The following TRAPPC13 variants were observed in gnomAD, a reference collection of about 807,000 sequenced individuals.
TRAPPC13 encodes REV7-interacting novel NHEJ regulator 1.
In TRAPPC13, 39 loss-of-function variants were observed where a neutral mutation model predicts 54.0. That is an observed-to-expected ratio of 0.72 (90% CI 0.56 to 0.94). TRAPPC13 has a LOEUF of 0.94. Ranked by LOEUF, TRAPPC13 falls within the 40% of genes least tolerant of loss-of-function variation. TRAPPC13 has a pLI of 0.00. For synonymous variants in TRAPPC13, 148 were observed against 167.7 expected (o/e 0.88, Z 0.91); for missense variants, 386 against 488.1 (o/e 0.79, Z 1.97).
At chr5:65,660,596 G>A (rs1756813755) in intron 9 of TRAPPC13, 103 bp from the exon 10 acceptor site, 2 of 758,718 alleles carry the variant, frequency 2.6e-6, no homozygotes, top group Admixed American at 3.7e-5. Context: ...GATCTTTGGA[G>A]GGTACATCAT....
At chr5:65,656,098 G>A (rs1756642841) in intron 8 of TRAPPC13, among the ~76,000 whole-genome samples, 1 of 152,122 alleles carries the variant, frequency 6.6e-6, no homozygotes, top group African/African-American at 2.4e-5. Context: ...TTGACAAAAT[G>A]AAACAGAAGA....
chr5:65,632,854 A>G (rs1438441387), intron 1 of TRAPPC13, among the ~76,000 whole-genome samples: 1 of 152,210 alleles, frequency 6.6e-6, no homozygotes. Flanking sequence ...AATTGCCTTC[A>G]GTTTCTGAAA....
rs1581239815 is a variant in TRAPPC13, at chr5:65,666,207, A to G, written c.*1596A>G. On this transcript the variant is annotated 3_prime_UTR_variant, in exon 13 of 13. Transcript: ENST00000399438. ...TTCTGTTTCATTCTGTTTTAAATCT[A>G]AAAAGTAAAATGATGGTCACTTGGA... 1.3e-5 allele frequency: 2 copies of G among 152,452 alleles called. No individual in the cohort carries two copies. Among genetic ancestry groups the G allele is most frequent in the Middle Eastern group, 3.4e-3 (1 of 294 alleles). 9.4% of individuals were successfully genotyped at this position (152,452 alleles called of 1,614,324 possible). A position where few individuals can be genotyped will look rare whatever the true frequency, so the allele number is the denominator to read the frequency against.
At chr5:65,638,515 T>A (rs1227498711) in intron 4 of TRAPPC13, among the ~76,000 whole-genome samples, 2 of 152,172 alleles carry the variant, frequency 1.3e-5, no homozygotes, top group Admixed American at 6.5e-5. Flanking sequence ...GACATAGTGG[T>A]ACACATGTGT....
At chr5:65,626,308 C>T (rs1755227473) in intron 1 of TRAPPC13, 1 of 152,206 alleles carries the variant, frequency 6.6e-6, no homozygotes, top group African/African-American at 2.4e-5. Context: ...GCCTCTCTTT[C>T]CAAGAGTCCG....
intron 4 of TRAPPC13, among the ~76,000 whole-genome samples, chr5:65,644,566 T>C (rs1337798667): frequency 2.6e-5 from 4 of 152,222 alleles, no homozygotes; most frequent in South Asian, 2.1e-4. Context: ...TTATTTCTTT[T>C]TTTCTCTAAT....
At chr5:65,660,412 CCTGT>C (rs1285000387) in intron 9 of TRAPPC13, among the ~76,000 whole-genome samples, 2 of 150,898 alleles carry the variant, frequency 1.3e-5, no homozygotes, top group East Asian at 3.9e-4. Flanking sequence ...AGAGCAAGAC[CCTGT>C]CTCTTAAAAT....
chr5:65,629,651 A>G, intron 1 of TRAPPC13: 1 of 1,536,096 alleles, frequency 6.5e-7, no homozygotes, highest in Non-Finnish European at 8.7e-7. Context: ...ACTGCCAAAA[A>G]TTGCAGAAAA....
chr5:65,632,441 C>T (rs1373445347), intron 1 of TRAPPC13, among the ~76,000 whole-genome samples: 1 of 152,142 alleles, frequency 6.6e-6, no homozygotes, highest in Non-Finnish European at 1.5e-5. Context: ...GAATACATTC[C>T]TACTTTGAAT....
At chr5:65,646,935 C>G in intron 4 of TRAPPC13, 120 bp from the exon 5 acceptor site, 35 of 933,588 alleles carry the variant, frequency 3.7e-5, no homozygotes, top group Non-Finnish European at 4.8e-5. Context: ...AAGTGTTGCT[C>G]CCCCTTTCAT....
At chr5:65,641,742 A>G (rs1476764174) in intron 4 of TRAPPC13, among the ~76,000 whole-genome samples, 1 of 151,672 alleles carries the variant, frequency 6.6e-6, no homozygotes, top group Non-Finnish European at 1.5e-5. Context: ...AAACAAGACA[A>G]AACAAATACA....
intron 2 of TRAPPC13, 106 bp downstream of exon 2, chr5:65,635,475 T>A: frequency 1.1e-6 from 1 of 876,044 alleles, no homozygotes; most frequent in Non-Finnish European, 1.8e-6. Flanking sequence ...TGCTAACCAT[T>A]TGCTGGATTC....
At chr5:65,660,660 C>G (rs571558876) in intron 9 of TRAPPC13, 39 bp from the exon 10 acceptor site, 18 of 1,499,442 alleles carry the variant, frequency 1.2e-5, no homozygotes, top group Admixed American at 9.0e-5. Context: ...TTAAAAGATG[C>G]TAGAGAATTT....
intron 1 of TRAPPC13, chr5:65,630,800 A>T (rs1253829593): frequency 2.0e-6 from 1 of 508,974 alleles, no homozygotes; most frequent in Non-Finnish European, 2.5e-6. Flanking sequence ...ATAACAATTG[A>T]TAGGCTGTTT....
At chr5:65,650,914 A>T in intron 6 of TRAPPC13, 32 bp downstream of exon 6, 1 of 1,491,836 alleles carries the variant, frequency 6.7e-7, no homozygotes, top group Non-Finnish European at 9.3e-7. Context: ...AATAGTTTTT[A>T]TATGCCTTTT....
chr5:65,641,806 C>T (rs375158319), intron 4 of TRAPPC13, among the ~76,000 whole-genome samples: 4 of 150,746 alleles, frequency 2.7e-5, no homozygotes, highest in African/African-American at 9.7e-5. Flanking sequence ...GTAGAATTCC[C>T]TGCAAAATCA....
chr5:65,647,287 A>G (rs1756251551), intron 5 of TRAPPC13, 105 bp downstream of exon 5: 1 of 980,486 alleles, frequency 1.0e-6, no homozygotes, highest in Non-Finnish European at 1.5e-6. Flanking sequence ...AACCTACTTC[A>G]AAAGGAATTT....
At chr5:65,646,951 T>G in intron 4 of TRAPPC13, 104 bp from the exon 5 acceptor site, 1 of 1,107,514 alleles carries the variant, frequency 9.0e-7, no homozygotes, top group Non-Finnish European at 1.3e-6. Context: ...TTCATCCTTC[T>G]TTCCTAATTC....
intron 4 of TRAPPC13, among the ~76,000 whole-genome samples, chr5:65,640,932 TTTTC>T (rs1281345051): frequency 1.2e-5 from 1 of 86,510 alleles, no homozygotes; most frequent in Admixed American, 9.7e-5. Flanking sequence ...CTATTTTTCT[TTTTC>T]TTTCTTTTTT....
Sources: gnomAD v4.1 joint callset for allele counts (sites outside exome capture counted in the v4.1 genomes callset) on GRCh38, gnomAD v4.1.1 for gene constraint, MANE v1.5 for transcripts, NCBI Gene and HGNC (gene_info 2026-07-23, HGNC 2026-07-21) for gene names.